Variants in ZNF536 observed in about 807,000 individuals in gnomAD.
The protein encoded by ZNF536 is zinc finger protein 536.
Under a neutral mutation model 84.5 loss-of-function variants are expected in ZNF536, and 13 were observed. The ratio of observed to expected loss-of-function variants is 0.15; its 90% CI spans 0.10 to 0.24. The LOEUF is 0.24. Among genes scored for constraint, ZNF536 ranks in the 10% least tolerant of loss-of-function variants. ZNF536 has a pLI of 1.00. For synonymous variants in ZNF536, 811 were observed against 742.5 expected (o/e 1.09, Z -1.50); for missense variants, 1,536 against 1,747.5 (o/e 0.88, Z 2.16).
intron 2 of ZNF536, among the ~76,000 whole-genome samples, chr19:30,483,459 C>A (rs908991297): frequency 2.6e-5 from 4 of 152,104 alleles, no homozygotes; most frequent in East Asian, 1.9e-4. Context: ...TGCTGCCTGG[C>A]GGGGTGAACA....
chr19:30,549,914 A>G (rs186092474), intron 4 of ZNF536, among the ~76,000 whole-genome samples: 1 of 152,334 alleles, frequency 6.6e-6, no homozygotes, highest in Admixed American at 6.5e-5. Flanking sequence ...GCCTAAAGAC[A>G]ATTCCTTACT....
chr19:30,490,784 T>C (rs1047538003), intron 2 of ZNF536, among the ~76,000 whole-genome samples: 2 of 152,222 alleles, frequency 1.3e-5, no homozygotes, highest in African/African-American at 4.8e-5. Flanking sequence ...TTTATTTTGG[T>C]ATAAGAAAAG....
chr19:30,587,197 TA>T (rs1338391407), intron 1 of ZNF536, among the ~76,000 whole-genome samples: 4 of 152,252 alleles, frequency 2.6e-5, no homozygotes, highest in African/African-American at 4.8e-5. Context: ...TTTTTCTTTT[TA>T]TTTTTTTAAC....
intron 3 of ZNF536, among the ~76,000 whole-genome samples, chr19:30,542,315 G>T (rs543258228): frequency 2.6e-5 from 4 of 152,118 alleles, no homozygotes; most frequent in Non-Finnish European, 5.9e-5. Context: ...AAAGATATGA[G>T]CATGTAAAAA....
intron 1 of ZNF536, among the ~76,000 whole-genome samples, chr19:30,413,661 G>T (rs1045821920): frequency 6.6e-6 from 1 of 152,104 alleles, no homozygotes; most frequent in African/African-American, 2.4e-5. Context: ...TTTCCATGAT[G>T]AATTTGTTAG....
At chr19:30,438,739 C>T (rs62101957) in intron 1 of ZNF536, among the ~76,000 whole-genome samples, 7,767 of 152,212 alleles carry the variant, frequency 0.051, 243 homozygotes, top group South Asian at 0.08. Flanking sequence ...TGCAGTGGTA[C>T]GGATCATAGC....
intron 2 of ZNF536, among the ~76,000 whole-genome samples, chr19:30,460,482 G>T (rs2053083622): frequency 6.6e-6 from 1 of 152,114 alleles, no homozygotes; most frequent in Admixed American, 6.5e-5. Context: ...TGGTGACGAG[G>T]TTCTGTCCTC....
In ZNF536 at chr19:30,295,335, C is replaced by T. The variant is rs543882569; in HGVS notation, c.-120+11194C>T. On this transcript the variant is annotated intron_variant, in intron 2 of 5. Coordinates refer to the ZNF536 transcript ENST00000585628. ...CTACAGGAAACAGTGTGATTGGAGG[C>T]GGGGGTGGGGAGGTTGTCTGCTGGC... Among the ~76,000 whole-genome samples, 6 of 97,320 alleles carry T rather than the reference C, an allele frequency of 6.2e-5. No homozygotes were observed. In the South Asian group the frequency reaches 2.3e-3, roughly 38 times the overall value. 63.8% of individuals were successfully genotyped at this position (97,320 alleles called of 152,430 possible). A position where few individuals can be genotyped will look rare whatever the true frequency, so the allele number is the denominator to read the frequency against.
At chr19:30,460,099 T>C (rs905722697) in intron 2 of ZNF536, among the ~76,000 whole-genome samples, 1 of 152,156 alleles carries the variant, frequency 6.6e-6, no homozygotes, top group African/African-American at 2.4e-5. Flanking sequence ...AGAGCAGCAC[T>C]TTTTTCTAGA....
intron 1 of ZNF536, among the ~76,000 whole-genome samples, chr19:30,581,284 C>A (rs1599874171): frequency 1.3e-5 from 2 of 152,130 alleles, no homozygotes; most frequent in South Asian, 4.2e-4. Flanking sequence ...TGAGACCAGT[C>A]TGGCCAACAC....
At chr19:30,415,799 A>G (rs532311628) in intron 1 of ZNF536, among the ~76,000 whole-genome samples, 2 of 152,182 alleles carry the variant, frequency 1.3e-5, no homozygotes, top group South Asian at 4.1e-4. Context: ...TTTAGTAGAG[A>G]CAGGGTTTCA....
chr19:30,467,136 C>T lies in ZNF536; in HGVS notation c.2170+21404C>T, dbSNP rs187083931. ...TACAGGCATGAGCCACTGCACCCAG[C>T]CTTAACCATTTTTAAGAGCACGATT... On this transcript the variant is annotated intron_variant, in intron 2 of 4. Transcript: ENST00000355537. Among the ~76,000 whole-genome samples, 17 of 152,308 alleles carry T rather than the reference C, an allele frequency of 1.1e-4. No individual in the cohort carries two copies. In the South Asian group the frequency reaches 3.3e-3, roughly 30 times the overall value.
chr19:30,417,995 C>T (rs1688550587), intron 1 of ZNF536, among the ~76,000 whole-genome samples: 1 of 152,144 alleles, frequency 6.6e-6, no homozygotes, highest in African/African-American at 2.4e-5. Flanking sequence ...GCAATCCTCC[C>T]CGCTTGGCCT....
intron 1 of ZNF536, among the ~76,000 whole-genome samples, chr19:30,247,275 G>A (rs1429515068): frequency 6.6e-6 from 1 of 152,244 alleles, no homozygotes; most frequent in Non-Finnish European, 1.5e-5. Context: ...CCTGGCCTTT[G>A]CTTGGTGATT....
In ZNF536 at chr19:30,272,672, G is replaced by T. The variant is rs529435188; in HGVS notation, c.-189-11400G>T. Among the ~76,000 whole-genome samples, 11 of 152,248 alleles carry T rather than the reference G, an allele frequency of 7.2e-5. 1 individual carries two copies. The South Asian group carries it at 2.3e-3, about 32-fold the overall frequency. ...TGTATTTGGATTCGTATGACATGTA[G>T]TCTTTTAACATTGGCTTCTTTCACT... On this transcript the variant is annotated intron_variant, in intron 1 of 5. Transcript: ENST00000585628.
intron 2 of ZNF536, among the ~76,000 whole-genome samples, chr19:30,293,254 C>G (rs2045897848): frequency 1.3e-5 from 2 of 152,216 alleles, no homozygotes. Context: ...GCCACCCTCT[C>G]TGTCCACCAG....
intron 1 of ZNF536, among the ~76,000 whole-genome samples, chr19:30,407,704 C>T (rs751753246): frequency 2.0e-5 from 3 of 152,202 alleles, no homozygotes; most frequent in Admixed American, 6.5e-5. Context: ...TATATTCTCT[C>T]TTTTTGTTGT....
At position 30,496,816 on chromosome 19, in the gene ZNF536, C is replaced by CT. The variant is rs1185244686; in HGVS notation, c.2171-38024dup. Among the ~76,000 whole-genome samples, 5 of 151,884 alleles carry CT rather than the reference C, an allele frequency of 3.3e-5. No individual in the cohort carries two copies. In the South Asian group the frequency reaches 6.3e-4, roughly 19 times the overall value. Reference sequence around the variant, plus strand: ...TTATGGTGAGCTAGTCGAGTAGGTGCTTTTTTTAATGATAAGCTAGGTCCA... The same window carrying CT: ...TTATGGTGAGCTAGTCGAGTAGGTGCTTTTTTTTAATGATAAGCTAGGTCCA... On this transcript the variant is annotated intron_variant, in intron 2 of 4. Transcript: ENST00000355537.
chr19:30,627,468 C>CAAAAAAA lies in ZNF536; in HGVS notation c.169+77983_169+77989dup, dbSNP rs569312789. Among the ~76,000 whole-genome samples, 37 of 52,050 alleles carry CAAAAAAA rather than the reference C, an allele frequency of 7.1e-4. 3 individuals carry two copies. Among genetic ancestry groups the CAAAAAAA allele is most frequent in the African/African-American group, 2.2e-3 (23 of 10,648 alleles). 34.1% of individuals were successfully genotyped at this position (52,050 alleles called of 152,430 possible). ...CCTGGGTGACAGACCAAGGCCCTGT[C>CAAAAAAA]AAAAAAAAAAAAAAAAAAAAAAAAA... On this transcript the variant is annotated intron_variant, in intron 1 of 1. Coordinates refer to the ZNF536 transcript ENST00000592773.
Sources: allele counts gnomAD v4.1 joint callset (sites outside exome capture counted in the v4.1 genomes callset), GRCh38; gene constraint gnomAD v4.1.1; transcripts MANE v1.5; gene names NCBI Gene and HGNC (gene_info 2026-07-23, HGNC 2026-07-21).